The following TET1 variants were observed in gnomAD, a reference collection of about 807,000 sequenced individuals.
TET1 encodes tet methylcytosine dioxygenase 1, also known as methylcytosine dioxygenase TET1.
Under a neutral mutation model 148.7 loss-of-function variants are expected in TET1, and 13 were observed. That is an observed-to-expected ratio of 0.09 (90% confidence interval 0.06 to 0.14). The LOEUF is 0.14. Among genes scored for constraint, TET1 ranks in the 10% least tolerant of loss-of-function variants. The pLI is 1.00. For missense variants in TET1, 2,182 were observed against 2,553.8 expected, an observed-to-expected ratio of 0.85 and a Z score of 3.14; for synonymous variants, 907 against 937.2, an observed-to-expected ratio of 0.97 and a Z score of 0.59.
chr10:68,677,655 A>AT (rs545734674), intron 8 of TET1, among the ~76,000 whole-genome samples: 32 of 152,152 alleles, frequency 2.1e-4, no homozygotes, highest in Admixed American at 1.7e-3. Flanking sequence ...CTGCCTGGCA[A>AT]TTTTTTTAAT....
At chr10:68,636,981 T>TGTGTG (rs61255091) in intron 3 of TET1, among the ~76,000 whole-genome samples, 9,879 of 102,388 alleles carry the variant, frequency 0.096, 459 homozygotes, top group African/African-American at 0.14. Context: ...ATTTTACTCG[T>TGTGTG]TGTGTGTGTG....
chr10:68,561,362 G>A lies in TET1; in HGVS notation c.-123+620G>A, dbSNP rs113336001. On this transcript the variant is annotated intron_variant, in intron 1 of 11. Transcript: ENST00000373644. ...CAGGGATGAAACGTTTGGAGTGGAG[G>A]CAGTGGTGCAGTCTTGCTAGGAGTT... 6.5e-3 allele frequency among the ~76,000 whole-genome samples: 995 copies of A among 152,306 alleles called. 13 individuals are homozygous for A. The highest frequency in any genetic ancestry group is 0.023 in the African/African-American group (944 of 41,570).
Position 68,659,670 on chromosome 10 carries a change from A to G in TET1, c.4461+7076A>G, listed in dbSNP as rs572381264. ...CTTTACTTAAGCTTATTGTCTGCTA[A>G]AGTACCATTAGTACTCTTTTTATGT... On this transcript the variant is annotated intron_variant, in intron 6 of 11. Coordinates refer to ENST00000373644, the MANE Select transcript of TET1 (RefSeq NM_030625.3). 9.2e-5 allele frequency among the ~76,000 whole-genome samples: 14 copies of G among 152,334 alleles called. No homozygotes were observed. In the South Asian group the frequency reaches 2.9e-3, roughly 32 times the overall value.
At chr10:68,685,405 T>C (rs560154450) in intron 10 of TET1, among the ~76,000 whole-genome samples, 12 of 152,290 alleles carry the variant, frequency 7.9e-5, no homozygotes, top group African/African-American at 2.9e-4. Flanking sequence ...GATATATGTT[T>C]TTATTATTAA....
In TET1 at chr10:68,596,027, C is replaced by CACACACAT. The variant is rs71470531; in HGVS notation, c.1915-4953_1915-4952insCACACATA. Among the ~76,000 whole-genome samples the CACACACAT allele has an allele frequency of 4.0e-3, 244 of 61,666 alleles. 2 individuals are homozygous for CACACACAT. The highest frequency in any genetic ancestry group is 0.011 in the Middle Eastern group (1 of 92). 40.5% of individuals were successfully genotyped at this position (61,666 alleles called of 152,430 possible). ...ACACACACACACACACACACACACA[C>CACACACAT]ATATATATATATATATACACATTTT... On this transcript the variant is annotated intron_variant, in intron 2 of 11. Coordinates refer to ENST00000373644, the MANE Select transcript of TET1 (RefSeq NM_030625.3).
intron 2 of TET1, among the ~76,000 whole-genome samples, chr10:68,581,674 T>A (rs1376433399): frequency 4.6e-5 from 7 of 151,826 alleles, no homozygotes; most frequent in Admixed American, 2.0e-4. Context: ...AAACCCCGTT[T>A]CTCCAAAAAA....
chr10:68,625,821 T>C (rs2132998084), intron 3 of TET1, among the ~76,000 whole-genome samples: 1 of 152,136 alleles, frequency 6.6e-6, no homozygotes, highest in East Asian at 1.9e-4. Context: ...GTGTAATGGC[T>C]CACACCTGTA....
rs181989044 is a variant in TET1, at chr10:68,627,070, G to A, written c.1969-17628G>A. On this transcript the variant is annotated intron_variant, in intron 3 of 11. Transcript: ENST00000373644. ...GTGGATCACCTGAGGTAAGAAGTTCGAGACCAGCCTGGCCAACATTGTGAA... is the reference window on the plus strand; with the variant it reads ...GTGGATCACCTGAGGTAAGAAGTTCAAGACCAGCCTGGCCAACATTGTGAA... Among the ~76,000 whole-genome samples the A allele has an allele frequency of 7.2e-3, 1,092 of 151,770 alleles. 8 individuals carry two copies. Among genetic ancestry groups the A allele is most frequent in the South Asian group, 0.032 (156 of 4,804 alleles).
At chr10:68,580,313 ATTTTTTTTTTT>A (rs1163318028) in intron 2 of TET1, among the ~76,000 whole-genome samples, 1 of 60,400 alleles carries the variant, frequency 1.7e-5, no homozygotes, top group Non-Finnish European at 2.9e-5. Flanking sequence ...ATTATATTCA[ATTTTTTTTTTT>A]TTTTTTTTTT....
chr10:68,611,629 G>GTTGAGTA (rs2054211562), intron 3 of TET1, among the ~76,000 whole-genome samples: 1 of 151,688 alleles, frequency 6.6e-6, no homozygotes, highest in Admixed American at 6.6e-5. Context: ...TCCAGCCTAG[G>GTTGAGTA]CCAATTGTCA....
At chr10:68,610,618 A>G (rs2054194509) in intron 3 of TET1, among the ~76,000 whole-genome samples, 1 of 152,030 alleles carries the variant, frequency 6.6e-6, no homozygotes, top group Admixed American at 6.6e-5. Context: ...AAAATAAAAA[A>G]TATGTTAAAT....
rs763336290 is a variant in TET1 at position 68,686,651 on chromosome 10, G to A, written c.5348G>A (p.Arg1783Gln). The A allele has an allele frequency of 5.0e-6, 8 of 1,614,112 alleles. No homozygotes were observed. Among genetic ancestry groups the A allele is most frequent in the Middle Eastern group, 1.6e-4 (1 of 6,062 alleles). ...AAGAAACCTATTCCCCGAATCAAGC[G>A]GAAGAATAACTCAACAACAACAAAC... is the stretch of plus-strand genomic sequence containing the variant. Reference protein sequence around the residue: ...VEKKPIPRIKRKNNSTTTNNS... With the variant: ...VEKKPIPRIKQKNNSTTTNNS... Residue 1783 changes from arginine (R) to glutamine (Q), a missense_variant, in exon 11 of 12, where the codon CGG becomes CAG. Physicochemically the swap from Arg to Gln is conservative, Grantham distance 43. Transcript: ENST00000373644.
intron 4 of TET1, among the ~76,000 whole-genome samples, chr10:68,649,450 A>T (rs1045823165): frequency 1.3e-5 from 2 of 152,126 alleles, no homozygotes; most frequent in Non-Finnish European, 2.9e-5. Flanking sequence ...ACTAAAAAAT[A>T]CAAAAAATTA....
At chr10:68,583,982 G>A (rs995858442) in intron 2 of TET1, among the ~76,000 whole-genome samples, 2 of 151,782 alleles carry the variant, frequency 1.3e-5, no homozygotes, top group Non-Finnish European at 2.9e-5. Context: ...CACATAACAA[G>A]TGCTCAAGAA....
chr10:68,598,163 C>T (rs1190842892), intron 2 of TET1, among the ~76,000 whole-genome samples: 5 of 152,096 alleles, frequency 3.3e-5, no homozygotes, highest in East Asian at 3.9e-4. Flanking sequence ...CCAAGGTGGG[C>T]GGCCCACCTG....
In TET1 at chr10:68,656,652, G is replaced by A. The variant is rs116216233; in HGVS notation, c.4461+4058G>A. 5.5e-3 allele frequency among the ~76,000 whole-genome samples: 838 copies of A among 152,338 alleles called. 14 individuals carry two copies. The highest frequency in any genetic ancestry group is 0.019 in the African/African-American group (793 of 41,574). On this transcript the variant is annotated intron_variant, in intron 6 of 11. Coordinates refer to ENST00000373644, the MANE Select transcript of TET1 (RefSeq NM_030625.3). ...ATATCACTTACTGCTTTTGCAGAGAGCAATGCCGAGCCTAGAATTAGCACT... is the reference window on the plus strand; with the variant it reads ...ATATCACTTACTGCTTTTGCAGAGAACAATGCCGAGCCTAGAATTAGCACT...
rs145050408 is a variant in TET1, at chr10:68,614,047, C to T, written c.1968+13013C>T. Among the ~76,000 whole-genome samples the T allele has an allele frequency of 3.9e-3, 587 of 152,310 alleles. 4 individuals carry two copies. Among genetic ancestry groups the T allele is most frequent in the African/African-American group, 0.014 (562 of 41,576 alleles). ...TATTTCAATGTTAATTTTGTCCCTC[C>T]ACCCATGAAATCTGGTTTATGCTCT... On this transcript the variant is annotated intron_variant, in intron 3 of 11. Transcript: ENST00000373644.
chr10:68,578,757 C>G (rs986102157), intron 2 of TET1, among the ~76,000 whole-genome samples: 3 of 152,012 alleles, frequency 2.0e-5, no homozygotes, highest in African/African-American at 7.2e-5. Flanking sequence ...AAAGGGGATG[C>G]TTTTGCTTTG....
Position 68,645,327 on chromosome 10 carries a change from A to T in TET1, c.2598A>T (p.Glu866Asp). Residue 866 changes from glutamate to aspartate, a missense_variant, in exon 4 of 12, where the codon GAA becomes GAT. Around this residue, in one of 11 missense-constraint regions of TET1, gnomAD observed 582 missense variants for 599.5 expected, o/e 0.97. Transcript: ENST00000373644. Reference protein sequence around the residue: ...PKTPENIPSKEPKDGSPVQPS... With the variant: ...PKTPENIPSKDPKDGSPVQPS... Reference sequence around the variant, plus strand: ...CTCCTGAGAATATACCAAGTAAAGAACCAAAAGATGGATCTCCCGTTCAAC... The same window carrying T: ...CTCCTGAGAATATACCAAGTAAAGATCCAAAAGATGGATCTCCCGTTCAAC... 1 of 1,614,180 alleles carries T rather than the reference A, an allele frequency of 6.2e-7. No individual in the cohort carries two copies. The highest frequency in any genetic ancestry group is 8.5e-7 in the Non-Finnish European group (1 of 1,180,048).
Sources: gnomAD v4.1 joint callset for allele counts (sites outside exome capture counted in the v4.1 genomes callset) on GRCh38, gnomAD v4.1.1 for gene constraint, gnomAD v4.1.1 regional missense constraint, MANE v1.5 for transcripts, NCBI Gene and HGNC (gene_info 2026-07-23, HGNC 2026-07-21) for gene names.